CTNNA2: variants seen among roughly 807,000 people sequenced by gnomAD.
CTNNA2 encodes the protein catenin alpha 2.
In CTNNA2, 42 loss-of-function variants were observed where a neutral mutation model predicts 101.0. That is an observed-to-expected ratio of 0.42 (90% CI 0.32 to 0.54). The LOEUF is 0.54. Among genes scored for constraint, CTNNA2 ranks in the 20% least tolerant of loss-of-function variants. CTNNA2 has a pLI of 0.14. For missense variants in CTNNA2, 871 were observed against 1,223.1 expected (o/e 0.71, Z 4.29); for synonymous variants, 450 against 456.4 (o/e 0.99, Z 0.18).
intron 3 of CTNNA2, among the ~76,000 whole-genome samples, chr2:79,853,285 C>A (rs1680871624): frequency 6.6e-6 from 1 of 152,148 alleles, no homozygotes; most frequent in African/African-American, 2.4e-5. Flanking sequence ...TCTAGAGTAG[C>A]AGGGACTACC....
intron 2 of CTNNA2, among the ~76,000 whole-genome samples, chr2:79,739,266 TGA>T (rs1165537095): frequency 6.6e-6 from 1 of 152,174 alleles, no homozygotes. Context: ...ACATTTGTTT[TGA>T]GACAGAAACA....
At position 80,302,392 on chromosome 2, in the gene CTNNA2, G is replaced by A; in HGVS notation, c.1057-90819G>A. ...CAGACATGGCAGCCATCTGATGCAT[G>A]GTCTGTTTCTGCTTTTGCTTCCTGC... On this transcript the variant is annotated intron_variant, in intron 7 of 18. Coordinates refer to ENST00000402739, the MANE Select transcript of CTNNA2 (RefSeq NM_001282597.3). This position sits in a 1 kb window ranked among gnomAD's most constrained non-coding sequence, Gnocchi z 6.4. 7.4e-6 allele frequency: 12 copies of A among 1,614,242 alleles called. No homozygotes were observed. The highest frequency in any genetic ancestry group is 1.0e-5 in the Non-Finnish European group (12 of 1,180,044).
chr2:79,852,811 C>G (rs188000300), intron 3 of CTNNA2, among the ~76,000 whole-genome samples: 1 of 151,968 alleles, frequency 6.6e-6, no homozygotes, highest in African/African-American at 2.4e-5. Flanking sequence ...AGAATGGTCT[C>G]GATCTCTTGA....
At position 80,303,151 on chromosome 2, in the gene CTNNA2, C is replaced by G. The variant is rs567845758; in HGVS notation, c.1057-90060C>G. 3 of 1,614,132 alleles carry G rather than the reference C, an allele frequency of 1.9e-6. No homozygotes were observed. Among genetic ancestry groups the G allele is most frequent in the Non-Finnish European group, 8.5e-7 (1 of 1,180,020 alleles). On this transcript the variant is annotated intron_variant, in intron 7 of 18. Coordinates refer to ENST00000402739, the MANE Select transcript of CTNNA2 (RefSeq NM_001282597.3). The surrounding 1 kb of genome is among the most constrained non-coding windows in gnomAD (Gnocchi z 7.7). Reference sequence around the variant, plus strand: ...GGCGCGGGAAGTGGGCGAAGTTCACCTTGACCAAGTCGTTGTGCTCGAGGT... The same window carrying G: ...GGCGCGGGAAGTGGGCGAAGTTCACGTTGACCAAGTCGTTGTGCTCGAGGT...
chr2:80,604,011 G>A, intron 15 of CTNNA2, 63 bp from the exon 16 acceptor site: 3 of 1,361,116 alleles, frequency 2.2e-6, no homozygotes, highest in Non-Finnish European at 3.1e-6. Context: ...CAAAGGATAT[G>A]GTAGGTTGGT....
intron 6 of CTNNA2, among the ~76,000 whole-genome samples, chr2:79,884,159 A>G (rs1200539144): frequency 3.9e-5 from 6 of 152,118 alleles, no homozygotes; most frequent in Non-Finnish European, 8.8e-5. Flanking sequence ...TTAGCTTTCT[A>G]TTTGTGATTT....
intron 3 of CTNNA2, among the ~76,000 whole-genome samples, chr2:79,345,859 A>AT (rs71385269): frequency 0.13 from 16,613 of 130,568 alleles, 1,267 homozygotes; most frequent in East Asian, 0.37. Flanking sequence ...CGCCCGGTTG[A>AT]TTTTTTTTTT....
At chr2:80,623,270 A>G (rs1394203343) in intron 18 of CTNNA2, among the ~76,000 whole-genome samples, 1 of 151,856 alleles carries the variant, frequency 6.6e-6, no homozygotes, top group Non-Finnish European at 1.5e-5. Flanking sequence ...ATTAGCATGG[A>G]AAACAAGCAC....
intron 8 of CTNNA2, among the ~76,000 whole-genome samples, chr2:80,411,950 A>T (rs1466546981): frequency 6.6e-6 from 1 of 152,034 alleles, no homozygotes; most frequent in African/African-American, 2.4e-5. Context: ...ACCTCTCCTC[A>T]TCTCACCGCT....
intron 3 of CTNNA2, among the ~76,000 whole-genome samples, chr2:79,346,774 GA>G: frequency 6.6e-6 from 1 of 152,170 alleles, no homozygotes; most frequent in South Asian, 2.1e-4. Flanking sequence ...TTGATTCAGG[GA>G]AAAATATTTC....
At chr2:79,579,946 G>T (rs1226267389) in intron 1 of CTNNA2, among the ~76,000 whole-genome samples, 1 of 152,064 alleles carries the variant, frequency 6.6e-6, no homozygotes, top group African/African-American at 2.4e-5. Context: ...GAACAAAGTT[G>T]CCACAAGCTC....
chr2:79,225,871 T>C (rs1311164254), intron 2 of CTNNA2, among the ~76,000 whole-genome samples: 1 of 152,246 alleles, frequency 6.6e-6, no homozygotes, highest in Non-Finnish European at 1.5e-5. Flanking sequence ...ATATGGAATG[T>C]AACAACACCA....
At chr2:80,559,618 T>C (rs1176788860) in intron 12 of CTNNA2, among the ~76,000 whole-genome samples, 7 of 152,200 alleles carry the variant, frequency 4.6e-5, no homozygotes, top group African/African-American at 1.2e-4. Context: ...GGTAGCATTA[T>C]GTACAAATTT....
At chr2:79,356,555 C>T (rs1677513218) in intron 3 of CTNNA2, among the ~76,000 whole-genome samples, 1 of 152,138 alleles carries the variant, frequency 6.6e-6, no homozygotes, top group Non-Finnish European at 1.5e-5. Context: ...TCTTGCTACT[C>T]TGGAGATAAA....
At chr2:79,907,582 CCACATGATTTTTTGACGCTCAA>C (rs1237433567) in intron 6 of CTNNA2, among the ~76,000 whole-genome samples, 1 of 152,172 alleles carries the variant, frequency 6.6e-6, no homozygotes, top group Non-Finnish European at 1.5e-5. Context: ...ATTGCAGCCT[CCACATGATTTTTTGACGCTCAA>C]CAGCTGTGCC....
intron 9 of CTNNA2, among the ~76,000 whole-genome samples, chr2:80,427,015 T>C (rs1248791814): frequency 6.6e-6 from 1 of 152,128 alleles, no homozygotes; most frequent in Non-Finnish European, 1.5e-5. Flanking sequence ...CTAGTTCTTC[T>C]GCTTAGTTTA....
intron 3 of CTNNA2, among the ~76,000 whole-genome samples, chr2:79,857,247 A>G (rs938871369): frequency 6.6e-6 from 1 of 152,214 alleles, no homozygotes; most frequent in Non-Finnish European, 1.5e-5. Flanking sequence ...ATAAATGAGC[A>G]AATACCTCTC....
chr2:80,438,690 C>G (rs1682272543), intron 9 of CTNNA2, among the ~76,000 whole-genome samples: 1 of 151,470 alleles, frequency 6.6e-6, no homozygotes, highest in Non-Finnish European at 1.5e-5. Context: ...ACTCTAGAGT[C>G]TGGTCCAGGC....
intron 4 of CTNNA2, among the ~76,000 whole-genome samples, chr2:79,491,816 T>A (rs1423160537): frequency 3.3e-5 from 5 of 152,164 alleles, no homozygotes; most frequent in Non-Finnish European, 7.3e-5. Flanking sequence ...CAGAAATATG[T>A]GTAAGAAGAT....
Sources: gnomAD v4.1 joint callset for allele counts (sites outside exome capture counted in the v4.1 genomes callset) on GRCh38, gnomAD v4.1.1 for gene constraint, Gnocchi (gnomAD v3.1) non-coding constraint, MANE v1.5 for transcripts, NCBI Gene and HGNC (gene_info 2026-07-23, HGNC 2026-07-21) for gene names.